The following MAPKAP1 variants were observed in gnomAD, a reference collection of about 807,000 sequenced individuals.
MAPKAP1 encodes MAPK associated protein 1, also known as target of rapamycin complex 2 subunit MAPKAP1.
In MAPKAP1, 20 loss-of-function variants were observed where a neutral mutation model predicts 65.7. The ratio of observed to expected loss-of-function variants is 0.30; its 90% CI spans 0.21 to 0.44. The LOEUF is 0.44. MAPKAP1 is among the 20% of genes least tolerant of loss of function. The probability of loss-of-function intolerance (pLI) is 1.00; values close to 1 mark genes in which losing one functional copy is unlikely to be tolerated. For synonymous variants in MAPKAP1, 222 were observed against 244.3 expected (o/e 0.91, Z 0.85); for missense variants, 423 against 648.0 (o/e 0.65, Z 3.77).
At chr9:125,616,447 G>A (rs1434039868) in intron 4 of MAPKAP1, among the ~76,000 whole-genome samples, 1 of 152,076 alleles carries the variant, frequency 6.6e-6, no homozygotes, top group East Asian at 1.9e-4. Flanking sequence ...TACAACAGTT[G>A]CTACCCAATA....
intron 8 of MAPKAP1, among the ~76,000 whole-genome samples, chr9:125,497,217 T>C (rs560047181): frequency 6.6e-6 from 1 of 152,270 alleles, no homozygotes; most frequent in East Asian, 1.9e-4. Flanking sequence ...ACCTGGTGAG[T>C]TGAGGCCCTT....
intron 5 of MAPKAP1, among the ~76,000 whole-genome samples, chr9:125,575,583 C>T (rs934969073): frequency 3.9e-5 from 6 of 152,030 alleles, no homozygotes; most frequent in Non-Finnish European, 5.9e-5. Context: ...AGAAGACAAA[C>T]GGTAACAAAT....
At chr9:125,602,400 C>T (rs1233858583) in intron 4 of MAPKAP1, among the ~76,000 whole-genome samples, 1 of 152,180 alleles carries the variant, frequency 6.6e-6, no homozygotes, top group Non-Finnish European at 1.5e-5. Flanking sequence ...GTCTGATTAT[C>T]GGGCCTTCAT....
Position 125,439,187 on chromosome 9 carries a change from C to T in MAPKAP1, c.1444-175G>A, listed in dbSNP as rs1465559083. On this transcript the variant is annotated intron_variant, in intron 11 of 11. Coordinates refer to ENST00000265960, the MANE Select transcript of MAPKAP1 (RefSeq NM_001006617.3). This position sits in a 1 kb window ranked among gnomAD's most constrained non-coding sequence, Gnocchi z 4.0. ...ACCTGGCAGCGGCTGGGCCCAGAGC[C>T]GCTGCTCTACGATGGGAAAACAGAG... 6.6e-6 allele frequency among the ~76,000 whole-genome samples: 1 copy of T among 152,182 alleles called. No homozygotes were observed. Among genetic ancestry groups the T allele is most frequent in the Non-Finnish European group, 1.5e-5 (1 of 68,028 alleles).
At position 125,672,659 on chromosome 9, in the gene MAPKAP1, AC is replaced by A; in HGVS notation, c.-69-17del. The A allele has an allele frequency of 1.4e-6, 2 of 1,444,418 alleles. No homozygotes were observed. Among genetic ancestry groups the A allele is most frequent in the Non-Finnish European group, 1.9e-6 (2 of 1,049,234 alleles). 89.5% of individuals were successfully genotyped at this position (1,444,418 alleles called of 1,614,324 possible). On this transcript the variant is annotated splice_polypyrimidine_tract_variant and intron_variant, in intron 1 of 11. Coordinates refer to ENST00000265960, the MANE Select transcript of MAPKAP1 (RefSeq NM_001006617.3). ...GCTCACCTACCTAGAAACATGATGTACACAGCAAATATTTAAGAATAAGGCA... is the reference window on the plus strand; with the variant it reads ...GCTCACCTACCTAGAAACATGATGTAACAGCAAATATTTAAGAATAAGGCA...
At chr9:125,630,993 A>AGGCT (rs1213179750) in intron 4 of MAPKAP1, among the ~76,000 whole-genome samples, 1 of 151,640 alleles carries the variant, frequency 6.6e-6, no homozygotes, top group African/African-American at 2.4e-5. Flanking sequence ...GCTACCTGAG[A>AGGCT]GGCTGAGGCA....
chr9:125,500,133 G>A (rs1475246676), intron 8 of MAPKAP1, among the ~76,000 whole-genome samples: 1 of 152,134 alleles, frequency 6.6e-6, no homozygotes, highest in African/African-American at 2.4e-5. Flanking sequence ...TGATAAAAAT[G>A]CAGAACACTA....
chr9:125,538,685 T>C (rs1250375669), intron 7 of MAPKAP1, among the ~76,000 whole-genome samples: 3 of 152,184 alleles, frequency 2.0e-5, no homozygotes, highest in African/African-American at 7.2e-5. Flanking sequence ...AAGGTCATTG[T>C]TTAAATGTCA....
At chr9:125,492,324 T>C (rs1484527632) in intron 8 of MAPKAP1, among the ~76,000 whole-genome samples, 1 of 152,232 alleles carries the variant, frequency 6.6e-6, no homozygotes, top group Non-Finnish European at 1.5e-5. Flanking sequence ...TATAATGCCA[T>C]GTTTTCATTG....
chr9:125,678,534 G>C (rs1194624419), intron 1 of MAPKAP1, among the ~76,000 whole-genome samples: 2 of 152,106 alleles, frequency 1.3e-5, no homozygotes, highest in Non-Finnish European at 2.9e-5. Context: ...GAGCCACCGC[G>C]CCCGGCCCAG....
intron 4 of MAPKAP1, among the ~76,000 whole-genome samples, chr9:125,602,375 G>C (rs982531279): frequency 6.6e-6 from 1 of 152,180 alleles, no homozygotes; most frequent in African/African-American, 2.4e-5. Flanking sequence ...TTACAACTGA[G>C]AAGCAGCCCA....
chr9:125,442,410 A>C (rs554518426), intron 11 of MAPKAP1, among the ~76,000 whole-genome samples: 1 of 152,172 alleles, frequency 6.6e-6, no homozygotes, highest in Non-Finnish European at 1.5e-5. Flanking sequence ...CCACAGTCTC[A>C]TACTGAAGTC....
chr9:125,625,547 C>G (rs1833092653), intron 4 of MAPKAP1, among the ~76,000 whole-genome samples: 1 of 152,156 alleles, frequency 6.6e-6, no homozygotes, highest in Admixed American at 6.5e-5. Context: ...GTAATCCCAG[C>G]ATTTTGGGAG....
chr9:125,600,970 T>C (rs1339699062), intron 4 of MAPKAP1, among the ~76,000 whole-genome samples: 1 of 152,240 alleles, frequency 6.6e-6, no homozygotes, highest in Non-Finnish European at 1.5e-5. Flanking sequence ...CATTATTAAA[T>C]CATTTATATA....
At chr9:125,572,790 T>C (rs1269849079) in intron 5 of MAPKAP1, 2 of 152,236 alleles carry the variant, frequency 1.3e-5, no homozygotes, top group Non-Finnish European at 2.9e-5. Flanking sequence ...CTTTACTTAT[T>C]TTGCTTTACT....
At chr9:125,700,996 T>C (rs1438314152) in intron 1 of MAPKAP1, among the ~76,000 whole-genome samples, 2 of 152,064 alleles carry the variant, frequency 1.3e-5, no homozygotes, top group Non-Finnish European at 2.9e-5. Context: ...AAGTAATGAA[T>C]AAAGAACAGA....
intron 10 of MAPKAP1, among the ~76,000 whole-genome samples, chr9:125,460,567 T>G (rs1201937164): frequency 6.6e-6 from 1 of 152,200 alleles, no homozygotes; most frequent in Non-Finnish European, 1.5e-5. Flanking sequence ...AGGTGTGCTC[T>G]TCTTACCAAC....
At chr9:125,473,008 C>T (rs1003644967) in intron 9 of MAPKAP1, among the ~76,000 whole-genome samples, 5 of 151,904 alleles carry the variant, frequency 3.3e-5, no homozygotes, top group African/African-American at 1.2e-4. Context: ...GATAAGTATG[C>T]TGAAGTCTTG....
At chr9:125,469,264 C>T (rs1370930425) in intron 9 of MAPKAP1, among the ~76,000 whole-genome samples, 2 of 152,064 alleles carry the variant, frequency 1.3e-5, no homozygotes, top group South Asian at 2.1e-4. Flanking sequence ...TTTCATCCTA[C>T]GAATCACACT....
Sources: allele counts gnomAD v4.1 joint callset (sites outside exome capture counted in the v4.1 genomes callset), GRCh38; gene constraint gnomAD v4.1.1; non-coding constraint Gnocchi (gnomAD v3.1); transcripts MANE v1.5; gene names NCBI Gene and HGNC (gene_info 2026-07-23, HGNC 2026-07-21).